Variants in ULK4 observed in about 807,000 individuals in gnomAD.
ULK4 encodes unc-51 like kinase 4, also known as inactive serine/threonine-protein kinase ULK4.
ULK4 carries 133 observed loss-of-function variants against 160.6 expected under a neutral mutation model. That is an observed-to-expected ratio of 0.83 (90% CI 0.72 to 0.96). The LOEUF (loss-of-function observed/expected upper bound fraction) is 0.96. Among genes scored for constraint, ULK4 ranks in the 40% least tolerant of loss-of-function variants. ULK4 has a pLI of 0.00. For synonymous variants in ULK4, 534 were observed against 539.8 expected (o/e 0.99, Z 0.15); for missense variants, 1,580 against 1,499.5 (o/e 1.05, Z -0.89).
chr3:41,386,576 C>G (rs1486552878), intron 35 of ULK4, among the ~76,000 whole-genome samples: 1 of 152,018 alleles, frequency 6.6e-6, no homozygotes, highest in African/African-American at 2.4e-5. Context: ...CTACCTAAAA[C>G]TTTTTTGACC....
chr3:41,644,768 G>A (rs1212454758), intron 30 of ULK4, among the ~76,000 whole-genome samples: 4 of 150,970 alleles, frequency 2.6e-5, no homozygotes, highest in Non-Finnish European at 5.9e-5. Context: ...AGAAGGAATG[G>A]TACCAGTTCC....
At chr3:41,517,002 CA>C (rs1219671656) in intron 32 of ULK4, among the ~76,000 whole-genome samples, 1 of 151,974 alleles carries the variant, frequency 6.6e-6, no homozygotes, top group East Asian at 1.9e-4. Context: ...CCAAAGTATA[CA>C]AAGAATCCTT....
intron 33 of ULK4, among the ~76,000 whole-genome samples, chr3:41,461,179 C>T (rs2083675622): frequency 1.3e-5 from 2 of 152,140 alleles, no homozygotes; most frequent in South Asian, 4.1e-4. Context: ...ATACCACTCT[C>T]CTCCCTGGAA....
At chr3:41,743,494 G>A (rs2038309927) in intron 22 of ULK4, among the ~76,000 whole-genome samples, 1 of 151,814 alleles carries the variant, frequency 6.6e-6, no homozygotes, top group Non-Finnish European at 1.5e-5. Context: ...AGTGATAATA[G>A]AAGGTTAAGA....
At chr3:41,547,031 G>C (rs935661038) in intron 32 of ULK4, among the ~76,000 whole-genome samples, 3 of 152,108 alleles carry the variant, frequency 2.0e-5, no homozygotes, top group African/African-American at 4.8e-5. Flanking sequence ...CACATACTTT[G>C]TTGAGTTTTA....
rs763599201 is a variant in ULK4 at position 41,883,889 on chromosome 3, A to G, written c.1641T>C (p.Asn547=). The part of the protein sequence containing the change: ...LASHTAELQE[N]TPVVEAIVLL... ...AAGACATTACCTCAACAACAGGTGT[A>G]TTTTCCTGGAGCTCAGCTGTGTGCG... is the stretch of plus-strand genomic sequence containing the variant. The change falls in exon 17 of 37, where the codon AAT becomes AAC. Residue 547 remains asparagine (N), a synonymous_variant. Coordinates refer to ENST00000301831, the MANE Select transcript of ULK4 (RefSeq NM_017886.4). 1 of 1,607,688 alleles carries G rather than the reference A, an allele frequency of 6.2e-7. No individual in the cohort carries two copies. The highest frequency in any genetic ancestry group is 1.1e-5 in the South Asian group (1 of 90,930).
At position 41,715,088 on chromosome 3, in the gene ULK4, C is replaced by G; in HGVS notation, c.2634+149G>C. 3.9e-6 allele frequency: 3 copies of G among 761,340 alleles called. No individual in the cohort carries two copies. In the East Asian group the frequency reaches 7.8e-5, roughly 20 times the overall value. 47.2% of individuals were successfully genotyped at this position (761,340 alleles called of 1,614,324 possible). On this transcript the variant is annotated intron_variant, in intron 25 of 36. Coordinates refer to ENST00000301831, the MANE Select transcript of ULK4 (RefSeq NM_017886.4). ...TCCAAATGTCAAATTTTATTACAGTCAACAGATAAAAATATTAAAAGGTCA... is the reference window on the plus strand; with the variant it reads ...TCCAAATGTCAAATTTTATTACAGTGAACAGATAAAAATATTAAAAGGTCA...
At chr3:41,725,088 G>C (rs1454730642) in intron 22 of ULK4, among the ~76,000 whole-genome samples, 1 of 151,990 alleles carries the variant, frequency 6.6e-6, no homozygotes, top group Non-Finnish European at 1.5e-5. Context: ...TAATGTCTTT[G>C]AATGAACCAT....
chr3:41,364,458 A>G (rs1043456276), intron 35 of ULK4, among the ~76,000 whole-genome samples: 5 of 152,216 alleles, frequency 3.3e-5, no homozygotes, highest in Non-Finnish European at 7.3e-5. Flanking sequence ...TTAACAGAGA[A>G]CAAAACTCTT....
chr3:41,666,438 A>G (rs1276524370), intron 29 of ULK4, among the ~76,000 whole-genome samples: 2 of 152,330 alleles, frequency 1.3e-5, no homozygotes, highest in East Asian at 3.9e-4. Context: ...TGATGAGTTA[A>G]CCCTTTATAG....
chr3:41,850,501 A>C (rs2042183132), intron 17 of ULK4, among the ~76,000 whole-genome samples: 1 of 151,796 alleles, frequency 6.6e-6, no homozygotes. Context: ...AATGATTGCC[A>C]TTCTAACTGG....
At chr3:41,859,245 G>A (rs759869487) in intron 17 of ULK4, 2 of 545,142 alleles carry the variant, frequency 3.7e-6, no homozygotes, top group Non-Finnish European at 3.5e-6. Flanking sequence ...TGACCAAAAT[G>A]GGCAAGTCAA....
At chr3:41,735,414 T>C (rs939138444) in intron 22 of ULK4, among the ~76,000 whole-genome samples, 2 of 152,166 alleles carry the variant, frequency 1.3e-5, no homozygotes, top group African/African-American at 2.4e-5. Context: ...TCCTTAAAGA[T>C]GCCATCATCC....
chr3:41,925,611 C>T (rs934078973), intron 5 of ULK4, among the ~76,000 whole-genome samples: 3 of 152,136 alleles, frequency 2.0e-5, no homozygotes, highest in South Asian at 2.1e-4. Flanking sequence ...TCAGGCTCAG[C>T]GGGTCCCACC....
chr3:41,702,569 T>C (rs1364996423), intron 27 of ULK4, among the ~76,000 whole-genome samples: 1 of 152,044 alleles, frequency 6.6e-6, no homozygotes, highest in African/African-American at 2.4e-5. Context: ...AAAACAAAGT[T>C]TGCATGATTA....
At chr3:41,646,403 G>T (rs962438307) in intron 30 of ULK4, among the ~76,000 whole-genome samples, 2 of 152,132 alleles carry the variant, frequency 1.3e-5, no homozygotes, top group Non-Finnish European at 2.9e-5. Context: ...GACAAAACCT[G>T]TCAGCATTTG....
intron 3 of ULK4, 91 bp downstream of exon 3, chr3:41,938,007 A>T: frequency 1.1e-6 from 1 of 927,392 alleles, no homozygotes. Context: ...TTTCAAGTTA[A>T]CATAGTAAAT....
chr3:41,782,698 T>C (rs556603867), intron 21 of ULK4, among the ~76,000 whole-genome samples: 1 of 152,258 alleles, frequency 6.6e-6, no homozygotes, highest in South Asian at 2.1e-4. Context: ...CAGTGTTACA[T>C]ATAAACTACC....
chr3:41,794,685 A>AAAAAAAAAAAAC (rs1553654846), intron 20 of ULK4, among the ~76,000 whole-genome samples: 12 of 129,084 alleles, frequency 9.3e-5, no homozygotes, highest in Non-Finnish European at 1.9e-4. Flanking sequence ...AAAAAAAAAA[A>AAAAAAAAAAAAC]ACACAGAAAA....
Sources: gnomAD v4.1 joint callset for allele counts (sites outside exome capture counted in the v4.1 genomes callset) on GRCh38, gnomAD v4.1.1 for gene constraint, MANE v1.5 for transcripts, NCBI Gene and HGNC (gene_info 2026-07-23, HGNC 2026-07-21) for gene names.